Variants in ME3 observed in about 807,000 individuals in gnomAD.
ME3 encodes the protein malic enzyme 3, also known as NADP-dependent malic enzyme, mitochondrial.
In ME3, 48 loss-of-function variants were observed where a neutral mutation model predicts 68.9. That is an observed-to-expected ratio of 0.70 (90% confidence interval 0.55 to 0.89). The LOEUF (loss-of-function observed/expected upper bound fraction) is 0.89. ME3 is among the 40% of genes least tolerant of loss of function. The probability of loss-of-function intolerance (pLI) is 0.00; values close to 1 mark genes in which losing one functional copy is unlikely to be tolerated. For synonymous variants in ME3, 320 were observed against 318.8 expected, an observed-to-expected ratio of 1.00 and a Z score of -0.04; for missense variants, 675 against 797.4, an observed-to-expected ratio of 0.85 and a Z score of 1.85.
chr11:86,653,235 C>G (rs1344129315), intron 2 of ME3, among the ~76,000 whole-genome samples: 1 of 152,150 alleles, frequency 6.6e-6, no homozygotes, highest in African/African-American at 2.4e-5. Context: ...CACCTCTACA[C>G]CAAGCAGACC....
intron 2 of ME3, among the ~76,000 whole-genome samples, chr11:86,650,263 A>G (rs1945312410): frequency 1.3e-5 from 2 of 152,202 alleles, no homozygotes; most frequent in Admixed American, 6.5e-5. Context: ...ATATGCAGAA[A>G]ACTGAAACTG....
At chr11:86,513,787 C>T (rs1953701653) in intron 4 of ME3, among the ~76,000 whole-genome samples, 1 of 152,152 alleles carries the variant, frequency 6.6e-6, no homozygotes, top group South Asian at 2.1e-4. Flanking sequence ...TAAAGCAGCT[C>T]AGAGAAGATA....
chr11:86,501,207 CA>C (rs1952703266), intron 5 of ME3, among the ~76,000 whole-genome samples: 1 of 105,160 alleles, frequency 9.5e-6, no homozygotes, highest in African/African-American at 3.2e-5. Flanking sequence ...CTTAACTCCT[CA>C]GGTTGTTGTA....
intron 10 of ME3, among the ~76,000 whole-genome samples, chr11:86,449,216 T>C (rs1949493425): frequency 6.6e-6 from 1 of 152,254 alleles, no homozygotes; most frequent in South Asian, 2.1e-4. Flanking sequence ...TTCTGGGAAT[T>C]AAAGCACTGA....
chr11:86,455,247 A>G (rs939744131), intron 8 of ME3, among the ~76,000 whole-genome samples: 2 of 152,264 alleles, frequency 1.3e-5, no homozygotes, highest in Non-Finnish European at 2.9e-5. Context: ...TGAATCAAAC[A>G]TGATCCCTGC....
intron 2 of ME3, among the ~76,000 whole-genome samples, chr11:86,611,534 A>T (rs1942574244): frequency 6.7e-6 from 1 of 148,682 alleles, no homozygotes; most frequent in African/African-American, 2.5e-5. Context: ...TATATATTAT[A>T]TATATCAAAT....
At chr11:86,602,131 G>A (rs536611183) in intron 2 of ME3, among the ~76,000 whole-genome samples, 2 of 151,590 alleles carry the variant, frequency 1.3e-5, no homozygotes, top group Admixed American at 6.6e-5. Context: ...AGGAAATAAA[G>A]GGTATTCGGT....
At chr11:86,442,982 A>C in intron 13 of ME3, 63 bp from the exon 14 acceptor site, 1 of 1,349,306 alleles carries the variant, frequency 7.4e-7, no homozygotes, top group Non-Finnish European at 1.1e-6. Context: ...AACAAGCCCA[A>C]CCCGTTACCC....
intron 4 of ME3, among the ~76,000 whole-genome samples, chr11:86,524,807 G>A (rs919499188): frequency 6.6e-6 from 1 of 152,206 alleles, no homozygotes; most frequent in Non-Finnish European, 1.5e-5. Context: ...AGACAGCTAA[G>A]TGCCTGGAAT....
At chr11:86,550,756 C>G (rs537155619) in intron 4 of ME3, among the ~76,000 whole-genome samples, 5 of 151,964 alleles carry the variant, frequency 3.3e-5, no homozygotes, top group African/African-American at 4.8e-5. Flanking sequence ...CCAACGGACA[C>G]CTGGGTTGGA....
intron 8 of ME3, among the ~76,000 whole-genome samples, chr11:86,459,382 C>A (rs936881372): frequency 6.6e-6 from 1 of 152,124 alleles, no homozygotes; most frequent in East Asian, 1.9e-4. Flanking sequence ...TTCCTTCTTC[C>A]CTCCCGTATC....
At chr11:86,610,768 T>C (rs4944604) in intron 2 of ME3, among the ~76,000 whole-genome samples, 20,363 of 151,892 alleles carry the variant, frequency 0.13, 1,848 homozygotes, top group East Asian at 0.4. Flanking sequence ...ACTGACAGAG[T>C]ATTTGCTTTT....
At chr11:86,569,149 G>A (rs1957643478) in intron 2 of ME3, among the ~76,000 whole-genome samples, 1 of 152,208 alleles carries the variant, frequency 6.6e-6, no homozygotes, top group African/African-American at 2.4e-5. Context: ...GGTGACATAA[G>A]AGAGCTCATG....
chr11:86,550,996 G>A (rs537678550), intron 4 of ME3, among the ~76,000 whole-genome samples: 42 of 152,000 alleles, frequency 2.8e-4, no homozygotes, highest in South Asian at 2.5e-3. Context: ...GCATGTGGGG[G>A]TTGCCGGTGG....
chr11:86,625,629 A>C (rs920966231), intron 2 of ME3, among the ~76,000 whole-genome samples: 3 of 152,244 alleles, frequency 2.0e-5, no homozygotes, highest in Non-Finnish European at 4.4e-5. Flanking sequence ...TCTAAGTGTC[A>C]GACCTTGTGC....
intron 2 of ME3, among the ~76,000 whole-genome samples, chr11:86,568,574 G>T (rs956046184): frequency 2.6e-4 from 39 of 152,192 alleles, no homozygotes; most frequent in African/African-American, 9.4e-4. Context: ...AAATTTACTG[G>T]CATCAGAGGG....
intron 2 of ME3, among the ~76,000 whole-genome samples, chr11:86,571,910 G>A (rs115830188): frequency 0.026 from 4,016 of 152,306 alleles, 164 homozygotes; most frequent in African/African-American, 0.091. Context: ...TCCTCTTTCT[G>A]GCCAGCCCAG....
chr11:86,507,990 AAT>A (rs1953209895), intron 5 of ME3, among the ~76,000 whole-genome samples: 1 of 151,890 alleles, frequency 6.6e-6, no homozygotes, highest in African/African-American at 2.4e-5. Flanking sequence ...AAAAAAAAAA[AAT>A]ATGGCAACTT....
At chr11:86,663,353 G>C (rs530761988) in intron 2 of ME3, among the ~76,000 whole-genome samples, 1 of 152,222 alleles carries the variant, frequency 6.6e-6, no homozygotes, top group East Asian at 1.9e-4. Context: ...CTTTTGGTAG[G>C]AATTGTGTTT....
Sources: gnomAD v4.1 joint callset for allele counts (sites outside exome capture counted in the v4.1 genomes callset) on GRCh38, gnomAD v4.1.1 for gene constraint, MANE v1.5 for transcripts, NCBI Gene and HGNC (gene_info 2026-07-23, HGNC 2026-07-21) for gene names.